The following GFRA1 variants were observed in gnomAD, a reference collection of about 807,000 sequenced individuals.
GFRA1 encodes the protein GDNF family receptor alpha 1.
Under a neutral mutation model 51.6 loss-of-function variants are expected in GFRA1, and 16 were observed. The observed-to-expected ratio is 0.31, with a 90% CI of 0.21 to 0.47. GFRA1 has a LOEUF of 0.47. Among genes scored for constraint, GFRA1 ranks in the 20% least tolerant of loss-of-function variants. GFRA1 has a pLI of 1.00. For missense variants in GFRA1, 530 were observed against 594.3 expected (o/e 0.89, Z 1.13); for synonymous variants, 270 against 241.3 (o/e 1.12, Z -1.10).
At chr10:116,072,521 G>A (rs766691946) in intron 9 of GFRA1, among the ~76,000 whole-genome samples, 32 of 152,254 alleles carry the variant, frequency 2.1e-4, no homozygotes, top group Admixed American at 5.2e-4. Flanking sequence ...CAGCACTTTG[G>A]AAGGCCAAGG....
chr10:116,231,814 G>A (rs557707972), intron 4 of GFRA1, among the ~76,000 whole-genome samples: 2 of 152,264 alleles, frequency 1.3e-5, no homozygotes, highest in African/African-American at 4.8e-5. Context: ...CTTCACATTT[G>A]CACAACACCT....
intron 4 of GFRA1, among the ~76,000 whole-genome samples, chr10:116,227,397 C>T (rs1966376892): frequency 6.6e-6 from 1 of 152,204 alleles, no homozygotes; most frequent in South Asian, 2.1e-4. Context: ...ATGTGGCCAG[C>T]GTCATGGTGC....
chr10:116,140,499 G>C (rs10450428), intron 5 of GFRA1, among the ~76,000 whole-genome samples: 1 of 152,082 alleles, frequency 6.6e-6, no homozygotes, highest in Admixed American at 6.6e-5. Context: ...AAGTGTATGC[G>C]GTTCAAAGAT....
chr10:116,120,835 TGCCCCA>T lies in GFRA1; in HGVS notation c.770+4380_770+4385del, dbSNP rs571435376. On this transcript the variant is annotated intron_variant, in intron 6 of 10. Transcript: ENST00000355422. ...CAGCAGCTCTGCTGCACGTGCTGAATGCCCCAGAAGGGCAAGGCCACTAAACCACCA... is the reference window on the plus strand; with the variant it reads ...CAGCAGCTCTGCTGCACGTGCTGAATGAAGGGCAAGGCCACTAAACCACCA... 2.9e-3 allele frequency among the ~76,000 whole-genome samples: 445 copies of T among 152,304 alleles called. 1 individual carries two copies. Among genetic ancestry groups the T allele is most frequent in the African/African-American group, 0.01 (435 of 41,582 alleles).
intron 1 of GFRA1, 154 bp downstream of exon 1, chr10:116,273,009 C>T (rs1589931618): frequency 6.6e-6 from 1 of 152,104 alleles, no homozygotes; most frequent in Non-Finnish European, 1.5e-5. Flanking sequence ...AGGTGCAGCC[C>T]GGCGCCACGA....
intron 8 of GFRA1, among the ~76,000 whole-genome samples, chr10:116,092,341 A>C (rs1462309360): frequency 6.6e-6 from 1 of 152,186 alleles, no homozygotes; most frequent in Non-Finnish European, 1.5e-5. Flanking sequence ...AAATGACTTC[A>C]ATTTTTCCTA....
intron 4 of GFRA1, among the ~76,000 whole-genome samples, chr10:116,250,283 G>A (rs750816078): frequency 2.0e-5 from 3 of 152,142 alleles, no homozygotes; most frequent in Non-Finnish European, 4.4e-5. Flanking sequence ...CCTGTCCTAC[G>A]TGGACACTAC....
intron 4 of GFRA1, among the ~76,000 whole-genome samples, chr10:116,224,136 G>A (rs1454602078): frequency 6.6e-6 from 1 of 152,164 alleles, no homozygotes; most frequent in Non-Finnish European, 1.5e-5. Context: ...CCAGCCTTGG[G>A]TATTTTGTTA....
At chr10:116,199,603 T>C (rs906316884) in intron 5 of GFRA1, among the ~76,000 whole-genome samples, 4 of 152,344 alleles carry the variant, frequency 2.6e-5, no homozygotes, top group Non-Finnish European at 5.9e-5. Context: ...CAGCAGTAAA[T>C]ATAAATACAT....
chr10:116,089,229 G>A (rs2133870588), intron 9 of GFRA1, among the ~76,000 whole-genome samples: 1 of 152,216 alleles, frequency 6.6e-6, no homozygotes. Context: ...AAGAGCACTT[G>A]CTTTTGCTTC....
chr10:116,216,077 G>C (rs1194737999), intron 4 of GFRA1, among the ~76,000 whole-genome samples: 1 of 152,144 alleles, frequency 6.6e-6, no homozygotes, highest in African/African-American at 2.4e-5. Context: ...CAGCTACTAA[G>C]AGATTCACAC....
chr10:116,087,261 G>A (rs1009593677), intron 9 of GFRA1, among the ~76,000 whole-genome samples: 1 of 57,596 alleles, frequency 1.7e-5, no homozygotes. Context: ...CCCAAGTCAG[G>A]ATTTGGGCGG....
intron 9 of GFRA1, 46 bp downstream of exon 9, chr10:116,089,695 C>A (rs8192667): frequency 3.9e-5 from 59 of 1,525,770 alleles, no homozygotes; most frequent in Admixed American, 2.2e-4. Flanking sequence ...TTTCACCCCC[C>A]CACCAGGAAG....
At chr10:116,160,104 T>C (rs1959597700) in intron 5 of GFRA1, among the ~76,000 whole-genome samples, 1 of 152,224 alleles carries the variant, frequency 6.6e-6, no homozygotes, top group Non-Finnish European at 1.5e-5. Context: ...GAACTGTCAT[T>C]TATTCCCCAG....
chr10:116,117,545 GTGGGTGGGTGTGTGGATGGATGGATGGA>G, intron 6 of GFRA1, among the ~76,000 whole-genome samples: 1 of 126,092 alleles, frequency 7.9e-6, no homozygotes, highest in Admixed American at 8.1e-5. Context: ...GGGTGGGTGG[GTGGGTGGGTGTGTGGATGGATGGATGGA>G]TGGATGGATG....
At chr10:116,233,774 G>C (rs749786733) in intron 4 of GFRA1, among the ~76,000 whole-genome samples, 10 of 152,260 alleles carry the variant, frequency 6.6e-5, no homozygotes, top group Middle Eastern at 3.4e-3. Context: ...TAAATACTTT[G>C]CCTGATTCCT....
At chr10:116,269,793 T>C (rs1444734635) in intron 3 of GFRA1, among the ~76,000 whole-genome samples, 3 of 152,098 alleles carry the variant, frequency 2.0e-5, no homozygotes, top group South Asian at 4.1e-4. Flanking sequence ...CAGAGTGCCA[T>C]GAAAATATTG....
At chr10:116,240,578 C>T (rs188854033) in intron 4 of GFRA1, among the ~76,000 whole-genome samples, 6 of 152,224 alleles carry the variant, frequency 3.9e-5, no homozygotes, top group Non-Finnish European at 5.9e-5. Flanking sequence ...CGGAGTGAAA[C>T]GAAGGCCCTT....
At chr10:116,118,734 A>G (rs1957527723) in intron 6 of GFRA1, among the ~76,000 whole-genome samples, 2 of 152,210 alleles carry the variant, frequency 1.3e-5, no homozygotes, top group Admixed American at 1.3e-4. Flanking sequence ...GATCAACACA[A>G]TATGCAAATG....
Sources: allele counts gnomAD v4.1 joint callset (sites outside exome capture counted in the v4.1 genomes callset), GRCh38; gene constraint gnomAD v4.1.1; transcripts MANE v1.5; gene names NCBI Gene and HGNC (gene_info 2026-07-23, HGNC 2026-07-21).